The following FBXW7 variants were observed in gnomAD, a reference collection of about 807,000 sequenced individuals.
The protein encoded by FBXW7 is F-box and WD repeat domain containing 7.
Under a neutral mutation model 86.3 loss-of-function variants are expected in FBXW7, and 11 were observed. That is an observed-to-expected ratio of 0.13 (90% CI 0.08 to 0.21). The LOEUF is 0.21. Ranked by LOEUF, FBXW7 falls within the 10% of genes least tolerant of loss-of-function variation. The pLI is 1.00. For synonymous variants in FBXW7, 313 were observed against 297.9 expected, an observed-to-expected ratio of 1.05 and a Z score of -0.52; for missense variants, 488 against 847.4, an observed-to-expected ratio of 0.58 and a Z score of 5.27.
intron 4 of FBXW7, among the ~76,000 whole-genome samples, chr4:152,401,424 AAAG>A (rs1736914497): frequency 6.6e-6 from 1 of 152,246 alleles, no homozygotes; most frequent in Non-Finnish European, 1.5e-5. Flanking sequence ...TACGTAAGTG[AAAG>A]AAGCCAATCT....
intron 4 of FBXW7, among the ~76,000 whole-genome samples, chr4:152,373,551 A>G (rs570290938): frequency 6.6e-6 from 1 of 152,064 alleles, no homozygotes; most frequent in South Asian, 2.1e-4. Flanking sequence ...TTGCAGCAGT[A>G]TACTTAATAT....
intron 4 of FBXW7, among the ~76,000 whole-genome samples, chr4:152,351,113 A>C (rs1191371228): frequency 1.3e-5 from 2 of 152,100 alleles, no homozygotes; most frequent in Non-Finnish European, 2.9e-5. Flanking sequence ...AAACACTCCA[A>C]AGTGATAGAG....
chr4:152,394,082 G>A (rs1256099660), intron 4 of FBXW7, among the ~76,000 whole-genome samples: 2 of 152,104 alleles, frequency 1.3e-5, no homozygotes, highest in Admixed American at 6.6e-5. Flanking sequence ...AATAATTTAC[G>A]AAGTGTTCTC....
intron 4 of FBXW7, among the ~76,000 whole-genome samples, chr4:152,377,947 C>T (rs905799787): frequency 2.0e-5 from 3 of 152,136 alleles, no homozygotes; most frequent in Admixed American, 6.6e-5. Context: ...AGAAAATTTA[C>T]TACAGTACTG....
chr4:152,411,726 G>T lies in FBXW7; in HGVS notation c.78C>A (p.Ser26Arg), dbSNP rs376591844. 4 of 1,613,308 alleles carry T rather than the reference G, an allele frequency of 2.5e-6. No individual in the cohort carries two copies. In the African/African-American group the frequency reaches 5.3e-5, roughly 22 times the overall value. ...GATTCATCTGTTCTTCATCTACCTG[G>T]CTTGAGGAAGGGTTACCTCTCAGAG... is the stretch of plus-strand genomic sequence containing the variant. The part of the protein sequence containing the change: ...GGSLRGNPSS[S>R]QVDEEQMNRV... Residue 26 changes from serine to arginine, a missense_variant, in exon 4 of 14, where the codon AGC becomes AGA. Ser to Arg is a moderately radical substitution (Grantham distance 110). Transcript: ENST00000281708.
intron 2 of FBXW7, among the ~76,000 whole-genome samples, chr4:152,527,865 TAC>T (rs149379203): frequency 0.026 from 3,574 of 137,420 alleles, 54 homozygotes; most frequent in Non-Finnish European, 0.029. Flanking sequence ...AAAAATTATA[TAC>T]ACACACACAC....
chr4:152,420,015 T>A (rs1383785667), intron 2 of FBXW7, among the ~76,000 whole-genome samples: 2 of 152,170 alleles, frequency 1.3e-5, no homozygotes, highest in Non-Finnish European at 2.9e-5. Flanking sequence ...TGACTCTTCC[T>A]TTCATGAAAG....
intron 4 of FBXW7, among the ~76,000 whole-genome samples, chr4:152,360,128 A>C (rs1212057937): frequency 6.6e-6 from 1 of 152,224 alleles, no homozygotes; most frequent in African/African-American, 2.4e-5. Flanking sequence ...TAGAGTTAAA[A>C]TGTTATTTAA....
chr4:152,388,817 GTACAT>G (rs1230063672), intron 4 of FBXW7, among the ~76,000 whole-genome samples: 2 of 152,082 alleles, frequency 1.3e-5, no homozygotes, highest in Admixed American at 6.5e-5. Flanking sequence ...AGGTTTAAGA[GTACAT>G]TACATCTCTA....
intron 4 of FBXW7, among the ~76,000 whole-genome samples, chr4:152,371,969 T>A (rs1486333982): frequency 3.3e-5 from 5 of 151,868 alleles, no homozygotes; most frequent in Non-Finnish European, 5.9e-5. Flanking sequence ...ACACAGAGAG[T>A]ATGCATACTA....
chr4:152,470,335 T>C (rs577182434), intron 2 of FBXW7, among the ~76,000 whole-genome samples: 2 of 152,204 alleles, frequency 1.3e-5, no homozygotes, highest in South Asian at 4.1e-4. Flanking sequence ...AGGGAAGCAT[T>C]CATGCATTCA....
intron 4 of FBXW7, among the ~76,000 whole-genome samples, chr4:152,384,613 T>C (rs1372838178): frequency 6.6e-6 from 1 of 152,048 alleles, no homozygotes; most frequent in African/African-American, 2.4e-5. Context: ...AATGGTTGTA[T>C]AACAATGTAA....
chr4:152,432,932 TTAGTTTTGTGGATTTTGA>T (rs1740044733), intron 2 of FBXW7, among the ~76,000 whole-genome samples: 1 of 152,198 alleles, frequency 6.6e-6, no homozygotes, highest in Admixed American at 6.5e-5. Context: ...TCAGTGCAGA[TTAGTTTTGTGGATTTTGA>T]AACATCATTT....
chr4:152,379,311 C>A (rs908329268), intron 4 of FBXW7, among the ~76,000 whole-genome samples: 1 of 151,852 alleles, frequency 6.6e-6, no homozygotes. Context: ...ATAATTTTTT[C>A]CTGTAAAATT....
intron 2 of FBXW7, among the ~76,000 whole-genome samples, chr4:152,515,562 C>T (rs1168171469): frequency 6.6e-6 from 1 of 152,148 alleles, no homozygotes; most frequent in Non-Finnish European, 1.5e-5. Context: ...ATAATTATTA[C>T]TAAATTCTGT....
intron 4 of FBXW7, among the ~76,000 whole-genome samples, chr4:152,407,453 C>T (rs1737516159): frequency 6.6e-6 from 1 of 152,164 alleles, no homozygotes. Flanking sequence ...TGCAGGTAGA[C>T]TAGGCCAGGG....
intron 4 of FBXW7, among the ~76,000 whole-genome samples, chr4:152,357,907 C>T (rs935289089): frequency 3.9e-5 from 6 of 152,040 alleles, no homozygotes; most frequent in African/African-American, 1.2e-4. Flanking sequence ...TTATTCGCTC[C>T]TCTAAAATTT....
At chr4:152,400,426 T>C (rs1736822542) in intron 4 of FBXW7, among the ~76,000 whole-genome samples, 1 of 152,092 alleles carries the variant, frequency 6.6e-6, no homozygotes, top group Non-Finnish European at 1.5e-5. Context: ...ACCACATCCT[T>C]GATGTCCCAG....
intron 4 of FBXW7, among the ~76,000 whole-genome samples, chr4:152,375,696 A>G (rs1012039057): frequency 1.3e-5 from 2 of 152,138 alleles, no homozygotes; most frequent in African/African-American, 4.8e-5. Flanking sequence ...CAGCTAAGTA[A>G]AGTCCACAAA....
Sources: gnomAD v4.1 joint callset for allele counts (sites outside exome capture counted in the v4.1 genomes callset) on GRCh38, gnomAD v4.1.1 for gene constraint, MANE v1.5 for transcripts, NCBI Gene and HGNC (gene_info 2026-07-23, HGNC 2026-07-21) for gene names.